The following PTCHD4 variants were observed in gnomAD, a reference collection of about 807,000 sequenced individuals.
The protein encoded by PTCHD4 is patched domain containing 4.
A neutral mutation model predicts 58.1 loss-of-function variants in PTCHD4; 33 were observed. The ratio of observed to expected loss-of-function variants is 0.57; its 90% CI spans 0.43 to 0.76. The LOEUF (loss-of-function observed/expected upper bound fraction) is 0.76, where lower values mean the gene tolerates loss of function less well. Among genes scored for constraint, PTCHD4 ranks in the 30% least tolerant of loss-of-function variants. The probability of loss-of-function intolerance (pLI) is 0.00; values close to 1 mark genes in which losing one functional copy is unlikely to be tolerated. For synonymous variants in PTCHD4, 478 were observed against 409.6 expected, an observed-to-expected ratio of 1.17 and a Z score of -2.02; for missense variants, 1,058 against 1,027.1, an observed-to-expected ratio of 1.03 and a Z score of -0.41.
intron 1 of PTCHD4, among the ~76,000 whole-genome samples, chr6:48,091,938 C>T (rs1013096377): frequency 4.6e-5 from 7 of 151,958 alleles, no homozygotes; most frequent in African/African-American, 1.7e-4. Context: ...GCATGAGCCA[C>T]CACGAGAAAT....
At chr6:48,052,198 C>T (rs975697008) in intron 3 of PTCHD4, among the ~76,000 whole-genome samples, 1 of 152,038 alleles carries the variant, frequency 6.6e-6, no homozygotes, top group South Asian at 2.1e-4. Flanking sequence ...GCATTAATTT[C>T]TTGAACTTAA....
chr6:47,881,155 G>T (rs1299818081), intron 4 of PTCHD4, among the ~76,000 whole-genome samples: 3 of 152,146 alleles, frequency 2.0e-5, no homozygotes, highest in Admixed American at 1.3e-4. Flanking sequence ...CCTGGAAAAA[G>T]GACTTAAATG....
In PTCHD4 at chr6:47,865,134, T is replaced by G. The variant is rs1167689285; in HGVS notation, c.*13169A>C. Among the ~76,000 whole-genome samples the G allele has an allele frequency of 6.6e-6, 1 of 151,952 alleles. No individual in the cohort carries two copies. Among genetic ancestry groups the G allele is most frequent in the African/African-American group, 2.4e-5 (1 of 41,416 alleles). ...TAGATTAATCTAGATACTATTGTAG[T>G]GTCTCTAGCTATAATACGTGCATGT... On this transcript the variant is annotated 3_prime_UTR_variant, in exon 5 of 5. Transcript: ENST00000339488.
At chr6:48,050,507 C>T (rs1048202716) in intron 3 of PTCHD4, among the ~76,000 whole-genome samples, 2 of 151,958 alleles carry the variant, frequency 1.3e-5, no homozygotes, top group African/African-American at 4.8e-5. Flanking sequence ...TGGATCCATC[C>T]AATCTGAGTG....
chr6:47,966,380 A>G (rs772083145), intron 4 of PTCHD4, among the ~76,000 whole-genome samples: 1 of 152,178 alleles, frequency 6.6e-6, no homozygotes, highest in Non-Finnish European at 1.5e-5. Context: ...AGTGCTAATG[A>G]TTTTCTGAGC....
At chr6:47,981,495 G>A (rs764360160) in intron 4 of PTCHD4, among the ~76,000 whole-genome samples, 10 of 151,874 alleles carry the variant, frequency 6.6e-5, no homozygotes, top group Admixed American at 4.6e-4. Flanking sequence ...CATGGTGTTT[G>A]TATTTTTATG....
intron 4 of PTCHD4, among the ~76,000 whole-genome samples, chr6:47,890,173 A>C (rs1392764718): frequency 1.3e-5 from 2 of 151,728 alleles, no homozygotes; most frequent in Non-Finnish European, 2.9e-5. Context: ...GTGTGTATAT[A>C]TGTATATTTG....
chr6:47,980,137 A>G (rs1254030069), intron 4 of PTCHD4, among the ~76,000 whole-genome samples: 1 of 152,102 alleles, frequency 6.6e-6, no homozygotes, highest in African/African-American at 2.4e-5. Flanking sequence ...TAACTTTAAA[A>G]TCAAACACAC....
At chr6:48,108,708 T>A (rs1219618465) in intron 1 of PTCHD4, among the ~76,000 whole-genome samples, 1 of 152,056 alleles carries the variant, frequency 6.6e-6, no homozygotes, top group Non-Finnish European at 1.5e-5. Context: ...CAATGAAAAG[T>A]ATCAATAATA....
chr6:47,951,749 G>A (rs978823709), intron 4 of PTCHD4, among the ~76,000 whole-genome samples: 1 of 151,574 alleles, frequency 6.6e-6, no homozygotes, highest in Non-Finnish European at 1.5e-5. Flanking sequence ...GAATAGAAGA[G>A]TATTAAGTAG....
chr6:47,991,490 G>A (rs1768278805), intron 4 of PTCHD4, among the ~76,000 whole-genome samples: 2 of 152,108 alleles, frequency 1.3e-5, no homozygotes, highest in South Asian at 4.1e-4. Context: ...TTAGAAAGAA[G>A]ACTGATCCCA....
Position 48,041,894 on chromosome 6 carries a change from T to TA in PTCHD4, c.417+26335dup, listed in dbSNP as rs539773455. ...TATTTGTGAATGTTTATATAACTAG[T>TA]AAAAAAAATTAAAAGTGTTTGGATT... On this transcript the variant is annotated intron_variant, in intron 3 of 4. Transcript: ENST00000339488. Among the ~76,000 whole-genome samples, 11 of 151,996 alleles carry TA rather than the reference T, an allele frequency of 7.2e-5. No individual in the cohort carries two copies. The South Asian group carries it at 1.9e-3, about 26-fold the overall frequency.
At chr6:47,998,919 C>G (rs1158312113) in intron 4 of PTCHD4, among the ~76,000 whole-genome samples, 1 of 152,086 alleles carries the variant, frequency 6.6e-6, no homozygotes, top group African/African-American at 2.4e-5. Flanking sequence ...ATTAAAATAT[C>G]TAAGCTAAAA....
At chr6:47,992,140 G>C (rs1768301505) in intron 4 of PTCHD4, among the ~76,000 whole-genome samples, 1 of 152,010 alleles carries the variant, frequency 6.6e-6, no homozygotes, top group Non-Finnish European at 1.5e-5. Context: ...CGACAAATAT[G>C]AACAAAATAT....
At chr6:48,085,184 C>T (rs1016845566) in intron 1 of PTCHD4, among the ~76,000 whole-genome samples, 10 of 152,086 alleles carry the variant, frequency 6.6e-5, no homozygotes, top group Non-Finnish European at 2.9e-5. Context: ...ATATTTTCTG[C>T]AAAGTACCTG....
chr6:48,108,900 GA>G (rs1444622467), intron 1 of PTCHD4, among the ~76,000 whole-genome samples: 2 of 151,564 alleles, frequency 1.3e-5, no homozygotes, highest in African/African-American at 2.4e-5. Flanking sequence ...TGATTAATGG[GA>G]AAAAAGACAA....
intron 4 of PTCHD4, among the ~76,000 whole-genome samples, chr6:47,907,341 G>C (rs781130186): frequency 5.9e-5 from 9 of 152,192 alleles, no homozygotes; most frequent in Non-Finnish European, 7.4e-5. Flanking sequence ...TAATAAATAA[G>C]GTGAGACTTC....
chr6:47,899,264 A>T lies in PTCHD4; in HGVS notation c.899-19328T>A, dbSNP rs986443395. 2.0e-5 allele frequency among the ~76,000 whole-genome samples: 3 copies of T among 152,336 alleles called. No individual in the cohort carries two copies. The South Asian group carries it at 6.2e-4, about 32-fold the overall frequency. On this transcript the variant is annotated intron_variant, in intron 4 of 4. Coordinates refer to ENST00000339488, the MANE Select transcript of PTCHD4 (RefSeq NM_001384253.1). ...CTTATTTTGCCAACTCCATGAAATA[A>T]CATCTGATGTCTCTTTTTTCCCAAA...
intron 3 of PTCHD4, among the ~76,000 whole-genome samples, chr6:48,041,277 T>C (rs181771156): frequency 7.9e-5 from 12 of 152,040 alleles, no homozygotes; most frequent in African/African-American, 2.2e-4. Context: ...CTGACCATGT[T>C]CACTTTCCCT....
Sources: gnomAD v4.1 joint callset for allele counts (sites outside exome capture counted in the v4.1 genomes callset) on GRCh38, gnomAD v4.1.1 for gene constraint, MANE v1.5 for transcripts, NCBI Gene and HGNC (gene_info 2026-07-23, HGNC 2026-07-21) for gene names.